EPHA3: variants seen among roughly 807,000 people sequenced by gnomAD.
The protein encoded by EPHA3 is ephrin type-A receptor 3.
In EPHA3, 42 loss-of-function variants were observed where a neutral mutation model predicts 107.1. The ratio of observed to expected loss-of-function variants is 0.39; its 90% CI spans 0.31 to 0.51. EPHA3 has a LOEUF of 0.51. Among genes scored for constraint, EPHA3 ranks in the 20% least tolerant of loss-of-function variants. EPHA3 has a pLI of 0.78. For missense variants in EPHA3, 1,183 were observed against 1,211.2 expected, an observed-to-expected ratio of 0.98 and a Z score of 0.35; for synonymous variants, 461 against 424.8, an observed-to-expected ratio of 1.09 and a Z score of -1.05.
intron 3 of EPHA3, among the ~76,000 whole-genome samples, chr3:89,303,975 C>T (rs1706551895): frequency 6.6e-6 from 1 of 152,102 alleles, no homozygotes; most frequent in South Asian, 2.1e-4. Context: ...ACCAGACTTA[C>T]TTTTCTTTTC....
intron 15 of EPHA3, among the ~76,000 whole-genome samples, chr3:89,456,442 AT>A (rs1038565424): frequency 6.6e-5 from 10 of 151,948 alleles, no homozygotes; most frequent in African/African-American, 2.4e-4. Context: ...GTCAAATTTT[AT>A]TTTTTTCTTG....
chr3:89,220,104 C>G (rs1046213423), intron 3 of EPHA3, among the ~76,000 whole-genome samples: 38 of 152,074 alleles, frequency 2.5e-4, no homozygotes, highest in African/African-American at 8.9e-4. Flanking sequence ...CTACAATGCA[C>G]AGGGCAATGT....
At chr3:89,109,888 T>A (rs1242418448) in intron 1 of EPHA3, among the ~76,000 whole-genome samples, 1 of 151,996 alleles carries the variant, frequency 6.6e-6, no homozygotes, top group Non-Finnish European at 1.5e-5. Context: ...TTCCTTCCTG[T>A]GATTGTGAAG....
intron 2 of EPHA3, among the ~76,000 whole-genome samples, chr3:89,160,046 C>G (rs1704895912): frequency 1.3e-5 from 2 of 151,588 alleles, no homozygotes; most frequent in South Asian, 4.2e-4. Flanking sequence ...CTACAATAAC[C>G]CGACACTCTA....
intron 13 of EPHA3, among the ~76,000 whole-genome samples, chr3:89,440,023 C>T (rs1396816980): frequency 6.6e-6 from 1 of 151,878 alleles, no homozygotes; most frequent in Non-Finnish European, 1.5e-5. Context: ...GGTTTTGCTA[C>T]CTAAAGGATC....
rs1419031325 is a variant in EPHA3, at chr3:89,119,450, A to G, written c.89-7759A>G. On this transcript the variant is annotated intron_variant, in intron 1 of 16. Coordinates refer to ENST00000336596, the MANE Select transcript of EPHA3 (RefSeq NM_005233.6). ...CCATGCTCCTAAGATGCAAAGGAAA[A>G]GACTAGTGTTTTGAAATAAACTGCT... Among the ~76,000 whole-genome samples the G allele has an allele frequency of 5.9e-5, 9 of 152,120 alleles. 1 individual carries two copies. The highest frequency in any genetic ancestry group is 1.3e-4 in the Non-Finnish European group (9 of 67,958).
chr3:89,219,688 G>GTGTT lies in EPHA3; in HGVS notation c.814+9169_814+9170insGTTT. 8.3e-3 allele frequency among the ~76,000 whole-genome samples: 284 copies of GTGTT among 34,422 alleles called. 78 individuals carry two copies. Among genetic ancestry groups the GTGTT allele is most frequent in the Non-Finnish European group, 0.013 (249 of 19,110 alleles). 22.6% of individuals were successfully genotyped at this position (34,422 alleles called of 152,430 possible). A position where few individuals can be genotyped will look rare whatever the true frequency, so the allele number is the denominator to read the frequency against. ...TTACCTCCAAGAGGCATTTGGCAAT[G>GTGTT]TTTTTTTTTTTTTTGTTTTTTGTTT... On this transcript the variant is annotated intron_variant, in intron 3 of 16. Transcript: ENST00000336596.
intron 2 of EPHA3, among the ~76,000 whole-genome samples, chr3:89,136,355 G>A (rs1244157894): frequency 1.9e-3 from 10 of 5,306 alleles, no homozygotes; most frequent in African/African-American, 2.8e-3. Context: ...TTTTTTTTTT[G>A]ACCCTTTCCT....
intron 3 of EPHA3, among the ~76,000 whole-genome samples, chr3:89,319,327 A>G (rs1559645409): frequency 6.6e-6 from 1 of 151,942 alleles, no homozygotes; most frequent in African/African-American, 2.4e-5. Flanking sequence ...ACATGTATGC[A>G]TGTATGTATG....
chr3:89,183,117 A>T (rs1275289548), intron 2 of EPHA3, among the ~76,000 whole-genome samples: 1 of 151,992 alleles, frequency 6.6e-6, no homozygotes, highest in Non-Finnish European at 1.5e-5. Flanking sequence ...AAAACTTTTG[A>T]TGATGTACTC....
chr3:89,407,598 C>A (rs1418660383), intron 8 of EPHA3, among the ~76,000 whole-genome samples: 1 of 152,014 alleles, frequency 6.6e-6, no homozygotes, highest in East Asian at 1.9e-4. Flanking sequence ...TTAACATACA[C>A]CCCTCCTCTT....
chr3:89,350,962 C>T (rs1707800024), intron 5 of EPHA3, among the ~76,000 whole-genome samples: 2 of 151,470 alleles, frequency 1.3e-5, no homozygotes, highest in African/African-American at 2.4e-5. Context: ...CTTGAGGAGG[C>T]AGTCTGCCGG....
intron 5 of EPHA3, among the ~76,000 whole-genome samples, chr3:89,381,046 C>A (rs1351808690): frequency 6.6e-6 from 1 of 151,984 alleles, no homozygotes; most frequent in Non-Finnish European, 1.5e-5. Flanking sequence ...CATCTCGGCT[C>A]ACTGCAAGCT....
chr3:89,395,204 C>G (rs974166081), intron 5 of EPHA3, among the ~76,000 whole-genome samples: 1 of 152,116 alleles, frequency 6.6e-6, no homozygotes, highest in African/African-American at 2.4e-5. Flanking sequence ...CTTGGTACCT[C>G]TCATTAAGTA....
At chr3:89,270,442 G>A (rs1484299379) in intron 3 of EPHA3, among the ~76,000 whole-genome samples, 1 of 152,054 alleles carries the variant, frequency 6.6e-6, no homozygotes, top group African/African-American at 2.4e-5. Flanking sequence ...TAGTCATGTA[G>A]ACAGCTTCTC....
chr3:89,391,122 T>G (rs1182675732), intron 5 of EPHA3, among the ~76,000 whole-genome samples: 1 of 152,076 alleles, frequency 6.6e-6, no homozygotes, highest in Non-Finnish European at 1.5e-5. Flanking sequence ...ATAAAACACA[T>G]ATTACTAGAT....
At chr3:89,136,159 A>T (rs975811474) in intron 2 of EPHA3, among the ~76,000 whole-genome samples, 2 of 151,974 alleles carry the variant, frequency 1.3e-5, no homozygotes, top group Admixed American at 6.6e-5. Flanking sequence ...TCATAGGCTG[A>T]ATAGTCAATC....
intron 15 of EPHA3, among the ~76,000 whole-genome samples, chr3:89,456,511 C>T (rs1204275276): frequency 2.0e-5 from 3 of 151,894 alleles, no homozygotes; most frequent in African/African-American, 7.3e-5. Context: ...TTGCATATAC[C>T]GCAATAGAAG....
intron 9 of EPHA3, among the ~76,000 whole-genome samples, chr3:89,409,641 G>A (rs1226669284): frequency 6.6e-6 from 1 of 151,914 alleles, no homozygotes; most frequent in African/African-American, 2.4e-5. Flanking sequence ...TTTCATCCTG[G>A]CTGCAAAGGC....
Sources: gnomAD v4.1 joint callset for allele counts (sites outside exome capture counted in the v4.1 genomes callset) on GRCh38, gnomAD v4.1.1 for gene constraint, MANE v1.5 for transcripts, NCBI Gene and HGNC (gene_info 2026-07-23, HGNC 2026-07-21) for gene names.